PTPRJ: variants seen among roughly 807,000 people sequenced by gnomAD.
The protein encoded by PTPRJ is receptor-type tyrosine-protein phosphatase eta.
Under a neutral mutation model 141.3 loss-of-function variants are expected in PTPRJ, and 129 were observed. The ratio of observed to expected loss-of-function variants is 0.91; its 90% CI spans 0.79 to 1.06. The LOEUF is 1.06. Ranked by LOEUF, PTPRJ falls within the 50% of genes least tolerant of loss-of-function variation. The pLI is 0.00. For synonymous variants in PTPRJ, 610 were observed against 640.5 expected (o/e 0.95, Z 0.72); for missense variants, 1,601 against 1,679.7 (o/e 0.95, Z 0.82).
intron 1 of PTPRJ, among the ~76,000 whole-genome samples, chr11:47,983,927 A>G (rs374345487): frequency 6.6e-6 from 1 of 152,282 alleles, no homozygotes; most frequent in East Asian, 1.9e-4. Context: ...TCTCATGGCT[A>G]ATCCTTAAGC....
chr11:48,044,720 G>A (rs1175054263), intron 1 of PTPRJ: 1 of 152,256 alleles, frequency 6.6e-6, no homozygotes, highest in Non-Finnish European at 1.5e-5. Context: ...CCAGAGAGAG[G>A]ATGCAGGCCA....
intron 1 of PTPRJ, among the ~76,000 whole-genome samples, chr11:48,033,223 C>T (rs966025944): frequency 6.6e-5 from 10 of 152,016 alleles, no homozygotes; most frequent in African/African-American, 2.4e-4. Context: ...GGAAGACTCA[C>T]TGGCATCTTT....
chr11:48,105,436 C>T (rs755352298), intron 1 of PTPRJ, among the ~76,000 whole-genome samples: 3 of 152,156 alleles, frequency 2.0e-5, no homozygotes, highest in Non-Finnish European at 2.9e-5. Context: ...CACAGGAAGT[C>T]ACCAAGTGAA....
At chr11:48,140,263 C>G (rs983736031) in intron 11 of PTPRJ, among the ~76,000 whole-genome samples, 3 of 152,200 alleles carry the variant, frequency 2.0e-5, no homozygotes, top group African/African-American at 7.2e-5. Flanking sequence ...CTCCTGACCT[C>G]AAGTGATCCA....
In PTPRJ at chr11:48,164,379, G is replaced by A. The variant is rs1857859413; in HGVS notation, c.3720-1G>A. ...ATAGGCTTATTTCTCTTTTCTCTCAGTGCTGGGGTCGGAAGGACGGGCACT... is the reference window on the plus strand; with the variant it reads ...ATAGGCTTATTTCTCTTTTCTCTCAATGCTGGGGTCGGAAGGACGGGCACT... On this transcript the variant is annotated splice_acceptor_variant, in intron 23 of 24. Transcript: ENST00000418331. LOFTEE classifies it high-confidence loss of function. 1.9e-6 allele frequency: 3 copies of A among 1,613,824 alleles called. No homozygotes were observed. The highest frequency in any genetic ancestry group is 1.7e-6 in the Non-Finnish European group (2 of 1,179,880).
chr11:48,155,020 C>T (rs370798286), intron 19 of PTPRJ, among the ~76,000 whole-genome samples: 65 of 152,236 alleles, frequency 4.3e-4, no homozygotes, highest in Admixed American at 4.6e-4. Context: ...CAATCAGAGA[C>T]GGGGAAACTG....
At chr11:48,057,867 C>T (rs1388895953) in intron 1 of PTPRJ, among the ~76,000 whole-genome samples, 1 of 151,802 alleles carries the variant, frequency 6.6e-6, no homozygotes, top group Non-Finnish European at 1.5e-5. Context: ...ATGACTGCTT[C>T]ATCCTTTTAG....
At chr11:48,149,101 A>T (rs1395849968) in intron 15 of PTPRJ, among the ~76,000 whole-genome samples, 1 of 152,250 alleles carries the variant, frequency 6.6e-6, no homozygotes, top group Non-Finnish European at 1.5e-5. Flanking sequence ...TTATCAGAAA[A>T]GCTTTCTCAA....
chr11:48,106,269 CA>C (rs1856285631), intron 1 of PTPRJ, among the ~76,000 whole-genome samples: 3 of 151,838 alleles, frequency 2.0e-5, no homozygotes, highest in Admixed American at 2.0e-4. Context: ...GAAGCAAAAC[CA>C]AAAATACACG....
chr11:48,143,126 C>G (rs1398312136), intron 12 of PTPRJ, 76 bp downstream of exon 12: 2 of 1,557,080 alleles, frequency 1.3e-6, no homozygotes, highest in Non-Finnish European at 1.8e-6. Flanking sequence ...CCCACTGAGG[C>G]ATGTGAGTAA....
chr11:48,011,162 C>T (rs1854773727), intron 1 of PTPRJ, among the ~76,000 whole-genome samples: 1 of 152,144 alleles, frequency 6.6e-6, no homozygotes, highest in African/African-American at 2.4e-5. Flanking sequence ...CGGGAGTCAC[C>T]ATGCTTTGTA....
chr11:48,012,561 ATGT>A (rs1423885435), intron 1 of PTPRJ, among the ~76,000 whole-genome samples: 1 of 152,010 alleles, frequency 6.6e-6, no homozygotes, highest in African/African-American at 2.4e-5. Context: ...CTGAAGAATG[ATGT>A]TCCAGGAGGC....
chr11:48,149,409 C>T (rs538581512), intron 15 of PTPRJ, 38 bp from the exon 16 acceptor site: 31 of 1,373,772 alleles, frequency 2.3e-5, no homozygotes, highest in Non-Finnish European at 3.2e-5. Context: ...AGGAAGGAAT[C>T]CTTTTTTGTC....
intron 1 of PTPRJ, among the ~76,000 whole-genome samples, chr11:48,090,334 A>T (rs1428644009): frequency 6.6e-6 from 1 of 152,138 alleles, no homozygotes; most frequent in Non-Finnish European, 1.5e-5. Flanking sequence ...AGGAAGTAGG[A>T]AGTAGGAGGT....
At chr11:48,153,600 T>C (rs1503171) in intron 18 of PTPRJ, among the ~76,000 whole-genome samples, 196 bp from the exon 19 acceptor site, 105,747 of 151,512 alleles carry the variant, frequency 0.7, 37,734 homozygotes, top group South Asian at 0.8. Context: ...TCCCTGAAGG[T>C]CCTTTCCTGA....
intron 1 of PTPRJ, among the ~76,000 whole-genome samples, chr11:48,099,519 C>G (rs1223337592): frequency 6.6e-6 from 1 of 152,130 alleles, no homozygotes; most frequent in Non-Finnish European, 1.5e-5. Context: ...AAGACGTTTG[C>G]TGACCCCTGA....
At chr11:48,131,374 C>T (rs1276996209) in intron 8 of PTPRJ, 5 of 617,814 alleles carry the variant, frequency 8.1e-6, no homozygotes, top group Non-Finnish European at 1.5e-5. Flanking sequence ...TGCGCCACTG[C>T]ACCCAGCCCA....
At chr11:47,997,733 T>G (rs1158832657) in intron 1 of PTPRJ, among the ~76,000 whole-genome samples, 1 of 152,106 alleles carries the variant, frequency 6.6e-6, no homozygotes, top group Non-Finnish European at 1.5e-5. Context: ...GAGACCAAGT[T>G]CCTTCCACAC....
At chr11:48,061,511 G>A (rs1215949864) in intron 1 of PTPRJ, among the ~76,000 whole-genome samples, 1 of 152,208 alleles carries the variant, frequency 6.6e-6, no homozygotes. Context: ...GTCATGCACA[G>A]TAATCCTGTA....
Sources: gnomAD v4.1 joint callset for allele counts (sites outside exome capture counted in the v4.1 genomes callset) on GRCh38, gnomAD v4.1.1 for gene constraint, MANE v1.5 for transcripts, NCBI Gene and HGNC (gene_info 2026-07-23, HGNC 2026-07-21) for gene names.